The following NDUFAF2 variants were observed in gnomAD, a reference collection of about 807,000 sequenced individuals.
NDUFAF2 encodes the protein NADH dehydrogenase [ubiquinone] 1 alpha subcomplex assembly factor 2.
Under a neutral mutation model 22.8 loss-of-function variants are expected in NDUFAF2, and 13 were observed. The observed-to-expected ratio is 0.57, with a 90% CI of 0.37 to 0.91. The LOEUF is 0.91. Ranked by LOEUF, NDUFAF2 falls within the 40% of genes least tolerant of loss-of-function variation. The probability of loss-of-function intolerance (pLI) is 0.01; values close to 1 mark genes in which losing one functional copy is unlikely to be tolerated. For synonymous variants in NDUFAF2, 53 were observed against 64.2 expected (o/e 0.83, Z 0.84); for missense variants, 162 against 195.2 (o/e 0.83, Z 1.01).
intron 2 of NDUFAF2, among the ~76,000 whole-genome samples, chr5:61,090,783 C>T (rs1386988181): frequency 2.0e-5 from 3 of 151,846 alleles, no homozygotes; most frequent in Non-Finnish European, 4.4e-5. Context: ...ATTTAATCAC[C>T]CAAGTATTCA....
At chr5:61,126,674 G>A (rs550439875) in intron 3 of NDUFAF2, among the ~76,000 whole-genome samples, 11 of 152,048 alleles carry the variant, frequency 7.2e-5, no homozygotes, top group East Asian at 1.9e-4. Flanking sequence ...ATTTATTTGC[G>A]TATTGGCAAA....
intron 1 of NDUFAF2, among the ~76,000 whole-genome samples, chr5:61,040,289 C>CAT: frequency 1.2e-5 from 1 of 81,322 alleles, no homozygotes; most frequent in African/African-American, 6.9e-5. Context: ...CACACACACG[C>CAT]GCGCGCGCGC....
At chr5:61,033,194 GCT>G (rs1751750685) in intron 1 of NDUFAF2, among the ~76,000 whole-genome samples, 1 of 151,996 alleles carries the variant, frequency 6.6e-6, no homozygotes, top group African/African-American at 2.4e-5. Context: ...TCATGATTTG[GCT>G]CTCTGTTTGT....
At chr5:61,120,608 A>G (rs913149126) in intron 3 of NDUFAF2, among the ~76,000 whole-genome samples, 1 of 152,160 alleles carries the variant, frequency 6.6e-6, no homozygotes, top group Admixed American at 6.6e-5. Context: ...AATAAGTTGA[A>G]TATAAATAAG....
At chr5:60,951,108 C>A (rs1312552616) in intron 1 of NDUFAF2, among the ~76,000 whole-genome samples, 1 of 152,084 alleles carries the variant, frequency 6.6e-6, no homozygotes, top group African/African-American at 2.4e-5. Flanking sequence ...TGGCTCGGTG[C>A]AACCTCTGCC....
intron 1 of NDUFAF2, among the ~76,000 whole-genome samples, chr5:60,947,457 C>A (rs72757182): frequency 0.026 from 3,947 of 152,052 alleles, 78 homozygotes; most frequent in Admixed American, 0.061. Flanking sequence ...TTGTTCAAAC[C>A]TTTTGCCCAT....
At chr5:61,014,153 C>T (rs775710418) in intron 1 of NDUFAF2, among the ~76,000 whole-genome samples, 26 of 152,190 alleles carry the variant, frequency 1.7e-4, no homozygotes, top group Admixed American at 2.6e-4. Flanking sequence ...TACAGCCTTA[C>T]CCCCTCAATC....
intron 3 of NDUFAF2, chr5:61,115,592 A>G (rs1752901910): frequency 6.6e-6 from 1 of 152,130 alleles, no homozygotes; most frequent in Non-Finnish European, 1.5e-5. Context: ...ATCTAACCAG[A>G]AGGAAAAAAA....
intron 1 of NDUFAF2, among the ~76,000 whole-genome samples, chr5:61,009,354 G>A (rs922834784): frequency 4.6e-5 from 7 of 151,982 alleles, no homozygotes; most frequent in African/African-American, 1.4e-4. Flanking sequence ...AGAGGTATAG[G>A]GGTATAGTAG....
chr5:61,008,045 C>T lies in NDUFAF2; in HGVS notation c.127+62663C>T, dbSNP rs569525095. Among the ~76,000 whole-genome samples the T allele has an allele frequency of 1.1e-4, 16 of 151,006 alleles. No individual in the cohort carries two copies. The East Asian group carries it at 2.7e-3, about 26-fold the overall frequency. On this transcript the variant is annotated intron_variant, in intron 1 of 3. Transcript: ENST00000296597. ...GAAATCATCATTCTCAGTAAACTAT[C>T]GCAAGAACAAAAAACCAAACACCGC...
intron 1 of NDUFAF2, among the ~76,000 whole-genome samples, chr5:61,029,960 T>G (rs1751701823): frequency 6.6e-6 from 1 of 152,126 alleles, no homozygotes. Context: ...CTGGGAACTA[T>G]GGTGACCCAG....
chr5:61,040,041 C>T (rs564283893), intron 1 of NDUFAF2, among the ~76,000 whole-genome samples: 1 of 152,130 alleles, frequency 6.6e-6, no homozygotes, highest in East Asian at 1.9e-4. Flanking sequence ...GTTTACACAA[C>T]CTGGCAAGTA....
At chr5:60,960,224 T>C (rs1040384494) in intron 1 of NDUFAF2, among the ~76,000 whole-genome samples, 4 of 152,174 alleles carry the variant, frequency 2.6e-5, no homozygotes, top group African/African-American at 9.6e-5. Flanking sequence ...GAGGGTTTTG[T>C]AATTGCTTTA....
At chr5:61,037,873 G>C (rs912080774) in intron 1 of NDUFAF2, among the ~76,000 whole-genome samples, 2 of 151,866 alleles carry the variant, frequency 1.3e-5, no homozygotes, top group Admixed American at 1.3e-4. Flanking sequence ...GGATTTTAGT[G>C]CACATGATCA....
chr5:60,992,183 T>C (rs1392226300), intron 1 of NDUFAF2, among the ~76,000 whole-genome samples: 3 of 152,220 alleles, frequency 2.0e-5, no homozygotes, highest in African/African-American at 7.2e-5. Context: ...TCTTCATATA[T>C]ACTCTGGTTA....
intron 1 of NDUFAF2, among the ~76,000 whole-genome samples, chr5:60,963,983 A>G (rs1461278620): frequency 6.6e-6 from 1 of 152,198 alleles, no homozygotes; most frequent in Non-Finnish European, 1.5e-5. Context: ...CTGTGAATAA[A>G]ATGGAGAATT....
intron 3 of NDUFAF2, among the ~76,000 whole-genome samples, chr5:61,128,001 T>C (rs1190310590): frequency 6.6e-6 from 1 of 152,040 alleles, no homozygotes; most frequent in East Asian, 1.9e-4. Flanking sequence ...TATACACCAA[T>C]AACAGACAAA....
intron 1 of NDUFAF2, among the ~76,000 whole-genome samples, chr5:60,971,576 C>T (rs866155118): frequency 1.2e-4 from 18 of 152,056 alleles, no homozygotes; most frequent in East Asian, 1.9e-4. Context: ...CGTGAGCCAC[C>T]GCGCCCGGCA....
intron 1 of NDUFAF2, among the ~76,000 whole-genome samples, chr5:61,020,815 C>G (rs2112603548): frequency 6.6e-6 from 1 of 152,248 alleles, no homozygotes; most frequent in East Asian, 1.9e-4. Context: ...CCTGCCTCAG[C>G]CTCCTGAGTA....
Sources: gnomAD v4.1 joint callset for allele counts (sites outside exome capture counted in the v4.1 genomes callset) on GRCh38, gnomAD v4.1.1 for gene constraint, MANE v1.5 for transcripts, NCBI Gene and HGNC (gene_info 2026-07-23, HGNC 2026-07-21) for gene names.